Variants in NOL4 observed in about 807,000 individuals in gnomAD.
The protein encoded by NOL4 is cancer/testis antigen 125.
A neutral mutation model predicts 75.9 loss-of-function variants in NOL4; 17 were observed. The ratio of observed to expected loss-of-function variants is 0.22; its 90% CI spans 0.15 to 0.34. The LOEUF (loss-of-function observed/expected upper bound fraction) is 0.34, where lower values mean the gene tolerates loss of function less well. NOL4 is among the 10% of genes least tolerant of loss of function. The pLI, the probability that NOL4 is intolerant of heterozygous loss-of-function variation, is 1.00. For missense variants in NOL4, 614 were observed against 793.5 expected, an observed-to-expected ratio of 0.77 and a Z score of 2.72; for synonymous variants, 292 against 289.9, an observed-to-expected ratio of 1.01 and a Z score of -0.07.
chr18:34,111,583 A>G (rs1339925005), intron 2 of NOL4, among the ~76,000 whole-genome samples: 2 of 152,150 alleles, frequency 1.3e-5, no homozygotes, highest in Non-Finnish European at 2.9e-5. Flanking sequence ...CCTAGGTTCC[A>G]TAACTATGGG....
intron 7 of NOL4, 128 bp downstream of exon 7, chr18:33,958,111 A>T: frequency 1.1e-6 from 1 of 908,034 alleles, no homozygotes; most frequent in Non-Finnish European, 1.6e-6. Flanking sequence ...AGAGTGTTTC[A>T]TGTACTTTTT....
intron 1 of NOL4, among the ~76,000 whole-genome samples, chr18:34,184,079 A>C (rs1191574719): frequency 3.9e-5 from 6 of 151,964 alleles, no homozygotes; most frequent in African/African-American, 1.4e-4. Context: ...ATCCCAAAGC[A>C]TATAATGACA....
chr18:33,923,653 T>A (rs568199903), intron 9 of NOL4, among the ~76,000 whole-genome samples: 2 of 152,310 alleles, frequency 1.3e-5, no homozygotes, highest in African/African-American at 4.8e-5. Flanking sequence ...CCGTCTTCCT[T>A]ATGTGTACAT....
intron 8 of NOL4, among the ~76,000 whole-genome samples, chr18:33,948,617 C>T (rs1033116375): frequency 1.3e-5 from 2 of 151,918 alleles, no homozygotes; most frequent in Non-Finnish European, 2.9e-5. Flanking sequence ...TATTTTTATT[C>T]TTAAAAATGA....
chr18:34,038,426 C>A (rs866868046), intron 5 of NOL4, among the ~76,000 whole-genome samples: 5 of 151,914 alleles, frequency 3.3e-5, no homozygotes, highest in African/African-American at 1.2e-4. Flanking sequence ...CAAGAGGATA[C>A]CTACACTAGC....
intron 5 of NOL4, among the ~76,000 whole-genome samples, chr18:34,071,650 C>A (rs1307205037): frequency 6.6e-6 from 1 of 151,966 alleles, no homozygotes; most frequent in Non-Finnish European, 1.5e-5. Flanking sequence ...TAAAATAGGC[C>A]ATGTATTAGA....
chr18:34,157,778 G>C (rs1228642200), intron 1 of NOL4, among the ~76,000 whole-genome samples: 8 of 152,142 alleles, frequency 5.3e-5, no homozygotes, highest in African/African-American at 1.9e-4. Context: ...ATTCTTATAA[G>C]AGGTTAAGTA....
At chr18:34,215,298 T>G (rs886653448) in intron 1 of NOL4, among the ~76,000 whole-genome samples, 4 of 152,216 alleles carry the variant, frequency 2.6e-5, no homozygotes, top group Admixed American at 6.5e-5. Flanking sequence ...TTATGTCATG[T>G]CAGATTGGGA....
At chr18:33,992,833 C>T (rs117329790) in intron 6 of NOL4, among the ~76,000 whole-genome samples, 2 of 152,002 alleles carry the variant, frequency 1.3e-5, no homozygotes, top group Admixed American at 1.3e-4. Flanking sequence ...GAGAGAAGTA[C>T]GTCATTGTCC....
At chr18:33,957,219 T>G in intron 8 of NOL4, 107 bp downstream of exon 8, 1 of 903,308 alleles carries the variant, frequency 1.1e-6, no homozygotes. Flanking sequence ...TGACCTGACA[T>G]TATGGAAAAA....
chr18:33,916,853 C>T (rs1433472271), intron 9 of NOL4, among the ~76,000 whole-genome samples: 4 of 152,072 alleles, frequency 2.6e-5, no homozygotes, highest in Non-Finnish European at 5.9e-5. Context: ...TAAAGTATAG[C>T]TTCAAGTAAA....
intron 7 of NOL4, among the ~76,000 whole-genome samples, chr18:33,957,958 C>T (rs909914222): frequency 1.3e-5 from 2 of 152,094 alleles, no homozygotes; most frequent in Admixed American, 6.6e-5. Flanking sequence ...AGATGACGGG[C>T]GTACTCTTCC....
chr18:34,223,068 G>A lies in NOL4; in HGVS notation c.186C>T (p.Phe62=), dbSNP rs1363175932. The A allele has an allele frequency of 1.2e-6, 2 of 1,614,030 alleles. No individual in the cohort carries two copies. The highest frequency in any genetic ancestry group is 1.7e-5 in the Admixed American group (1 of 60,028). Reference sequence around the variant, plus strand: ...GGACCTCGTCCGGCTGGCCCAGCTGGAAGCCCTTCGATTTGACCCAGAATT... The same window carrying A: ...GGACCTCGTCCGGCTGGCCCAGCTGAAAGCCCTTCGATTTGACCCAGAATT... ...KFKFWVKSKG[F]QLGQPDEVRG... is the part of the protein sequence containing the mutation. The change falls in exon 1 of 11, where the codon TTC becomes TTT. Residue 62 remains phenylalanine (F), a synonymous_variant. Coordinates refer to ENST00000261592, the MANE Select transcript of NOL4 (RefSeq NM_003787.5).
intron 5 of NOL4, among the ~76,000 whole-genome samples, chr18:34,074,310 A>G (rs2077653223): frequency 6.6e-6 from 1 of 151,768 alleles, no homozygotes; most frequent in African/African-American, 2.4e-5. Context: ...AGCTCATTAT[A>G]GAATTTTTGA....
chr18:34,017,296 G>T (rs959240697), intron 6 of NOL4, among the ~76,000 whole-genome samples: 2 of 152,066 alleles, frequency 1.3e-5, no homozygotes, highest in African/African-American at 4.8e-5. Flanking sequence ...TGTGAATAAA[G>T]ACTGTTATTT....
chr18:33,976,333 T>G (rs1214650470), intron 6 of NOL4, among the ~76,000 whole-genome samples: 1 of 152,194 alleles, frequency 6.6e-6, no homozygotes, highest in Non-Finnish European at 1.5e-5. Context: ...AAGCAATGCA[T>G]TTTATTTGAA....
At chr18:33,967,747 C>T (rs959992859) in intron 6 of NOL4, among the ~76,000 whole-genome samples, 9 of 152,106 alleles carry the variant, frequency 5.9e-5, no homozygotes, top group African/African-American at 2.2e-4. Context: ...CAAATCAAAA[C>T]CACAATAAGA....
Position 33,943,083 on chromosome 18 carries a change from C to T in NOL4, c.1524G>A (p.Met508Ile), listed in dbSNP as rs772236185. 3.1e-6 allele frequency: 5 copies of T among 1,611,108 alleles called. No homozygotes were observed. The African/African-American group carries it at 5.4e-5, about 17-fold the overall frequency. Reference sequence around the variant, plus strand: ...TCAGTACCTGCTGTCTCTCCAGACGCATCCTCTTGGCGGCATTTCTACTCT... The same window carrying T: ...TCAGTACCTGCTGTCTCTCCAGACGTATCCTCTTGGCGGCATTTCTACTCT... Reference protein sequence around the residue: ...ESESRNAAKRMRLERQQDESA... With the variant: ...ESESRNAAKRIRLERQQDESA... Residue 508 changes from methionine to isoleucine, a missense_variant, in exon 9 of 11, where the codon ATG becomes ATA. Coordinates refer to ENST00000261592, the MANE Select transcript of NOL4 (RefSeq NM_003787.5).
At chr18:34,175,439 G>A (rs562366415) in intron 1 of NOL4, among the ~76,000 whole-genome samples, 19 of 152,164 alleles carry the variant, frequency 1.2e-4, no homozygotes, top group South Asian at 2.1e-4. Flanking sequence ...AAAAACTAGC[G>A]AATGAAAAAA....
Sources: gnomAD v4.1 joint callset for allele counts (sites outside exome capture counted in the v4.1 genomes callset) on GRCh38, gnomAD v4.1.1 for gene constraint, MANE v1.5 for transcripts, NCBI Gene and HGNC (gene_info 2026-07-23, HGNC 2026-07-21) for gene names.